Variants in HUNK observed in about 807,000 individuals in gnomAD.
The protein encoded by HUNK is hormonally up-regulated Neu-associated kinase, also known as hormonally up-regulated neu tumor-associated kinase.
HUNK carries 21 observed loss-of-function variants against 61.0 expected under a neutral mutation model. That is an observed-to-expected ratio of 0.34 (90% CI 0.24 to 0.50). The LOEUF (loss-of-function observed/expected upper bound fraction) is 0.50. HUNK is among the 20% of genes least tolerant of loss of function. The pLI, the probability that HUNK is intolerant of heterozygous loss-of-function variation, is 0.98. For synonymous variants in HUNK, 371 were observed against 386.1 expected, an observed-to-expected ratio of 0.96 and a Z score of 0.46; for missense variants, 772 against 945.7, an observed-to-expected ratio of 0.82 and a Z score of 2.41.
At chr21:31,926,842 G>A (rs1368435512) in intron 2 of HUNK, among the ~76,000 whole-genome samples, 1 of 151,924 alleles carries the variant, frequency 6.6e-6, no homozygotes, top group African/African-American at 2.4e-5. Context: ...TCATATGTCA[G>A]CTTTCTTTAT....
intron 9 of HUNK, among the ~76,000 whole-genome samples, chr21:31,992,082 C>T (rs184773143): frequency 5.3e-5 from 8 of 152,344 alleles, no homozygotes; most frequent in South Asian, 4.1e-4. Context: ...TCCGGACTGC[C>T]GAGCTGTGAC....
At chr21:31,874,946 C>T (rs1413406116) in intron 1 of HUNK, among the ~76,000 whole-genome samples, 1 of 152,134 alleles carries the variant, frequency 6.6e-6, no homozygotes, top group Non-Finnish European at 1.5e-5. Flanking sequence ...GCCGGGTCAC[C>T]CCAGGCTGGA....
chr21:31,965,556 C>T (rs1011772247), intron 5 of HUNK, among the ~76,000 whole-genome samples: 1 of 151,190 alleles, frequency 6.6e-6, no homozygotes, highest in Non-Finnish European at 1.5e-5. Context: ...ATGGCCTCTA[C>T]ACATGCATTT....
At chr21:31,912,039 C>T (rs760963921) in intron 1 of HUNK, among the ~76,000 whole-genome samples, 1 of 152,146 alleles carries the variant, frequency 6.6e-6, no homozygotes, top group Non-Finnish European at 1.5e-5. Flanking sequence ...TGGCATTTGG[C>T]GTCAGTTGTA....
At chr21:31,928,113 A>C (rs2052673470) in intron 2 of HUNK, among the ~76,000 whole-genome samples, 1 of 152,192 alleles carries the variant, frequency 6.6e-6, no homozygotes, top group African/African-American at 2.4e-5. Flanking sequence ...TTTGTTTATT[A>C]AGATGACAAA....
At chr21:31,927,206 A>AT (rs1402408464) in intron 2 of HUNK, among the ~76,000 whole-genome samples, 5 of 151,726 alleles carry the variant, frequency 3.3e-5, no homozygotes, top group African/African-American at 9.7e-5. Flanking sequence ...ATGCCTAACT[A>AT]TTTTTTGTAT....
rs144735850 is a variant in HUNK at position 31,931,936 on chromosome 21, G to A, written c.554+7176G>A. Among the ~76,000 whole-genome samples the A allele has an allele frequency of 3.3e-3, 456 of 138,982 alleles. 5 individuals are homozygous for A. Among genetic ancestry groups the A allele is most frequent in the African/African-American group, 0.011 (399 of 37,314 alleles). The allele number at this position is 138,982 out of a possible 152,430, so 91.2% of individuals were successfully genotyped here. A position where few individuals can be genotyped will look rare whatever the true frequency, so the allele number is the denominator to read the frequency against. ...CATGCACGCGCGCACACACACACAC[G>A]CGCGCCCACCGCCATATACACAGGG... On this transcript the variant is annotated intron_variant, in intron 2 of 10. Transcript: ENST00000270112.
In HUNK at chr21:31,946,254, G is replaced by A. The variant is rs1367247378; in HGVS notation, c.746+83G>A. ...CTTATGAAATCATGCCTGAGTATTG[G>A]ATGGCATGTATAGGTGACAGGCCCA... is the stretch of plus-strand genomic sequence containing the variant. On this transcript the variant is annotated intron_variant, in intron 4 of 10. Coordinates refer to ENST00000270112, the MANE Select transcript of HUNK (RefSeq NM_014586.2). 8.6e-6 allele frequency: 12 copies of A among 1,397,432 alleles called. No homozygotes were observed. In the African/African-American group the frequency reaches 1.4e-4, roughly 17 times the overall value. 86.6% of individuals were successfully genotyped at this position (1,397,432 alleles called of 1,614,324 possible). A position where few individuals can be genotyped will look rare whatever the true frequency, so the allele number is the denominator to read the frequency against.
chr21:31,926,601 C>T (rs544048384), intron 2 of HUNK, among the ~76,000 whole-genome samples: 22 of 152,216 alleles, frequency 1.4e-4, no homozygotes, highest in South Asian at 4.1e-4. Context: ...ATATAATACC[C>T]GGTCTTTTGT....
rs186264022 is a variant in HUNK at position 31,983,552 on chromosome 21, C to T, written c.1200C>T (p.Cys400=). Residue 400 remains cysteine (C), a synonymous_variant, in exon 8 of 11, where the codon TGC becomes TGT. Transcript: ENST00000270112. ...SGKSDIQDSL[C]YKTRLYQIEK... is the part of the protein sequence containing the mutation. ...AATCTGACATCCAGGACAGCCTCTG[C>T]TACAAGACCCGGCTCTACCAGATAG... 185 of 1,613,898 alleles carry T rather than the reference C, an allele frequency of 1.1e-4. No individual in the cohort carries two copies. Among genetic ancestry groups the T allele is most frequent in the Non-Finnish European group, 1.3e-4 (154 of 1,179,930 alleles).
chr21:31,990,859 C>T (rs2053167888), intron 9 of HUNK, among the ~76,000 whole-genome samples: 1 of 152,068 alleles, frequency 6.6e-6, no homozygotes, highest in Non-Finnish European at 1.5e-5. Context: ...TTTAAAACCA[C>T]CTTCACAGAA....
intron 8 of HUNK, among the ~76,000 whole-genome samples, chr21:31,989,540 C>A (rs1328242177): frequency 6.6e-6 from 1 of 151,862 alleles, no homozygotes; most frequent in Non-Finnish European, 1.5e-5. Flanking sequence ...ATGGTGAAAC[C>A]CCGTCTCTAC....
chr21:31,996,289 G>A (rs2053205437), intron 10 of HUNK, among the ~76,000 whole-genome samples: 1 of 152,180 alleles, frequency 6.6e-6, no homozygotes, highest in Non-Finnish European at 1.5e-5. Flanking sequence ...CAGAGATGAG[G>A]CTGTAAGGAA....
At chr21:31,892,182 G>T (rs1016704) in intron 1 of HUNK, among the ~76,000 whole-genome samples, 24,590 of 75,538 alleles carry the variant, frequency 0.33, 2,146 homozygotes, top group African/African-American at 0.38. Flanking sequence ...TATATATATA[G>T]AGAGAGAGAG....
intron 1 of HUNK, among the ~76,000 whole-genome samples, chr21:31,883,962 T>A (rs150361164): frequency 6.6e-6 from 1 of 152,316 alleles, no homozygotes; most frequent in East Asian, 1.9e-4. Flanking sequence ...GTAAGCACCC[T>A]TGATTCTGCC....
intron 6 of HUNK, among the ~76,000 whole-genome samples, chr21:31,971,439 A>G (rs1241261135): frequency 6.6e-6 from 1 of 152,060 alleles, no homozygotes; most frequent in African/African-American, 2.4e-5. Context: ...TTTGAAAAAC[A>G]TTTATCTTTA....
chr21:31,927,410 G>A (rs1286756906), intron 2 of HUNK, among the ~76,000 whole-genome samples: 2 of 152,008 alleles, frequency 1.3e-5, no homozygotes, highest in African/African-American at 4.8e-5. Flanking sequence ...TTGGGAGGCT[G>A]AGGCAGGCAG....
chr21:31,948,971 C>T (rs1363972699), intron 4 of HUNK, among the ~76,000 whole-genome samples: 1 of 152,214 alleles, frequency 6.6e-6, no homozygotes, highest in Non-Finnish European at 1.5e-5. Flanking sequence ...CGTCAGGAAT[C>T]AGCTGCTGCT....
intron 3 of HUNK, among the ~76,000 whole-genome samples, 194 bp downstream of exon 3, chr21:31,940,414 C>T (rs2052761835): frequency 6.6e-6 from 1 of 152,096 alleles, no homozygotes; most frequent in Non-Finnish European, 1.5e-5. Context: ...ACTATAGCTT[C>T]TCCATAAATT....
Sources: allele counts gnomAD v4.1 joint callset (sites outside exome capture counted in the v4.1 genomes callset), GRCh38; gene constraint gnomAD v4.1.1; transcripts MANE v1.5; gene names NCBI Gene and HGNC (gene_info 2026-07-23, HGNC 2026-07-21).